LMLN: variants seen among roughly 807,000 people sequenced by gnomAD.
LMLN encodes the protein leishmanolysin-like peptidase.
In LMLN, 70 loss-of-function variants were observed where a neutral mutation model predicts 92.3. That is an observed-to-expected ratio of 0.76 (90% CI 0.63 to 0.92). LMLN has a LOEUF of 0.92. Among genes scored for constraint, LMLN ranks in the 40% least tolerant of loss-of-function variants. The pLI is 0.00. For synonymous variants in LMLN, 308 were observed against 296.2 expected, an observed-to-expected ratio of 1.04 and a Z score of -0.41; for missense variants, 691 against 814.6, an observed-to-expected ratio of 0.85 and a Z score of 1.85.
chr3:198,033,608 G>A (rs1723134488), intron 14 of LMLN, among the ~76,000 whole-genome samples: 1 of 151,984 alleles, frequency 6.6e-6, no homozygotes, highest in South Asian at 2.1e-4. Flanking sequence ...CACCAGGTTG[G>A]CCAGGCTGGT....
At chr3:198,036,635 A>T (rs1269296075) in intron 15 of LMLN, among the ~76,000 whole-genome samples, 2 of 152,160 alleles carry the variant, frequency 1.3e-5, no homozygotes, top group African/African-American at 4.8e-5. Flanking sequence ...GAGGAGACAG[A>T]TGCCAATTAA....
intron 1 of LMLN, among the ~76,000 whole-genome samples, chr3:197,969,105 A>G (rs1305218435): frequency 3.3e-5 from 5 of 150,290 alleles, no homozygotes; most frequent in Middle Eastern, 3.4e-3. Context: ...TTTTTGAGAT[A>G]GGGTCTCACT....
chr3:197,967,334 A>ATT (rs1056804705), intron 1 of LMLN, among the ~76,000 whole-genome samples: 3 of 152,194 alleles, frequency 2.0e-5, no homozygotes, highest in African/African-American at 4.8e-5. Context: ...AAAGAGTGGA[A>ATT]TTTTACAGCT....
chr3:197,970,309 G>T (rs1221547283), intron 1 of LMLN, among the ~76,000 whole-genome samples: 1 of 152,162 alleles, frequency 6.6e-6, no homozygotes, highest in Non-Finnish European at 1.5e-5. Flanking sequence ...ACCACTCCAG[G>T]TTTGGTGATT....
At chr3:197,990,997 A>G (rs562023331) in intron 9 of LMLN, among the ~76,000 whole-genome samples, 2 of 152,318 alleles carry the variant, frequency 1.3e-5, no homozygotes, top group South Asian at 4.2e-4. Context: ...GGTTCTCCAG[A>G]GAAACAGAAC....
chr3:198,008,286 A>G (rs534729567), intron 11 of LMLN, among the ~76,000 whole-genome samples: 1 of 152,280 alleles, frequency 6.6e-6, no homozygotes, highest in South Asian at 2.1e-4. Context: ...TTCAAATCTG[A>G]CACATTTTGA....
At chr3:198,032,703 C>T (rs950476984) in intron 14 of LMLN, among the ~76,000 whole-genome samples, 1 of 152,138 alleles carries the variant, frequency 6.6e-6, no homozygotes, top group Admixed American at 6.6e-5. Flanking sequence ...GGAACTTATT[C>T]CTGTGGGGAG....
At position 198,021,529 on chromosome 3, in the gene LMLN, CA is replaced by C; in HGVS notation, c.1450del (p.Ser484ValfsTer8). 1 of 1,614,026 alleles carries C rather than the reference CA, an allele frequency of 6.2e-7. No individual in the cohort carries two copies. The highest frequency in any genetic ancestry group is 8.5e-7 in the Non-Finnish European group (1 of 1,179,884). On this transcript the variant is annotated frameshift_variant, in exon 13 of 16. Coordinates refer to ENST00000330198, the Ensembl canonical transcript of LMLN. LOFTEE classifies it high-confidence loss of function. Reference sequence around the variant, plus strand: ...TGGAAATTGCTGACTACTGCCCTTTCAGTCAGGAATTCAGTTGGCATTTAAG... The same window carrying C: ...TGGAAATTGCTGACTACTGCCCTTTCGTCAGGAATTCAGTTGGCATTTAAG...
At chr3:197,980,234 G>T in intron 5 of LMLN, 92 bp from the exon 6 acceptor site, 1 of 1,050,314 alleles carries the variant, frequency 9.5e-7, no homozygotes, top group Non-Finnish European at 1.4e-6. Context: ...AAATTGTACT[G>T]TGTTTATAGT....
rs1722729132 is a variant in LMLN at position 198,019,725 on chromosome 3, G to A, written c.1365+340G>A. Among the ~76,000 whole-genome samples the A allele has an allele frequency of 6.6e-6, 1 of 152,094 alleles. No individual in the cohort carries two copies. Among genetic ancestry groups the A allele is most frequent in the Non-Finnish European group, 1.5e-5 (1 of 68,032 alleles). On this transcript the variant is annotated intron_variant, in intron 12 of 15. Transcript: ENST00000330198. The surrounding 1 kb of genome is among the most constrained non-coding windows in gnomAD (Gnocchi z 5.5). ...GAAATCTTTAAAGAAAATAACTTAA[G>A]TACTCCAATCCAGTTAATTAGAAGA...
Position 197,974,497 on chromosome 3 carries a change from A to G in LMLN, c.317+23A>G, listed in dbSNP as rs957082591. 4 of 1,133,770 alleles carry G rather than the reference A, an allele frequency of 3.5e-6. No homozygotes were observed. In the African/African-American group the frequency reaches 4.9e-5, roughly 14 times the overall value. 70.2% of individuals were successfully genotyped at this position (1,133,770 alleles called of 1,614,324 possible). On this transcript the variant is annotated intron_variant, in intron 2 of 15. Coordinates refer to ENST00000330198, the Ensembl canonical transcript of LMLN. ...AGAGTAAGTACACCATTGTATTGTCATCTTTTTCATTATTAATCTAAATGT... is the reference window on the plus strand; with the variant it reads ...AGAGTAAGTACACCATTGTATTGTCGTCTTTTTCATTATTAATCTAAATGT...
At chr3:198,029,857 T>G (rs940155788) in intron 14 of LMLN, among the ~76,000 whole-genome samples, 5 of 152,108 alleles carry the variant, frequency 3.3e-5, no homozygotes, top group Non-Finnish European at 7.3e-5. Context: ...ATTACTTTTT[T>G]GAGATAGATT....
intron 1 of LMLN, among the ~76,000 whole-genome samples, chr3:197,960,713 C>T (rs934687201): frequency 1.7e-4 from 26 of 152,156 alleles, no homozygotes; most frequent in Non-Finnish European, 2.9e-5. Context: ...ATCACAGTCA[C>T]CCGACGCACA....
chr3:198,021,875 C>T (rs747910929), intron 13 of LMLN, among the ~76,000 whole-genome samples: 32 of 152,164 alleles, frequency 2.1e-4, no homozygotes, highest in Admixed American at 3.9e-4. Context: ...AGGGATTATT[C>T]GCGTATGCAT....
At chr3:197,978,705 A>G (rs1489767057) in intron 5 of LMLN, among the ~76,000 whole-genome samples, 1 of 152,198 alleles carries the variant, frequency 6.6e-6, no homozygotes, top group Non-Finnish European at 1.5e-5. Flanking sequence ...ATAAAAAACT[A>G]CAAGGTCAGG....
chr3:197,990,969 G>A (rs1581149699), intron 9 of LMLN, among the ~76,000 whole-genome samples: 1 of 152,096 alleles, frequency 6.6e-6, no homozygotes, highest in East Asian at 1.9e-4. Flanking sequence ...CATTTTCTTT[G>A]GTGTCTGTAT....
intron 10 of LMLN, among the ~76,000 whole-genome samples, chr3:197,997,897 G>A (rs1722072421): frequency 6.6e-6 from 1 of 152,198 alleles, no homozygotes; most frequent in Non-Finnish European, 1.5e-5. Flanking sequence ...TTGTGTTTTA[G>A]AAAATGTAAT....
exon 11 of LMLN, chr3:197,999,273 C>T (rs372315765): frequency 1.6e-5 from 26 of 1,612,434 alleles, no homozygotes; most frequent in Non-Finnish European, 2.1e-5. Context: ...CAGAATGAAG[C>T]GATGACTGGT....
chr3:198,024,275 G>C (rs1230487492), intron 13 of LMLN, among the ~76,000 whole-genome samples: 3 of 149,650 alleles, frequency 2.0e-5, no homozygotes, highest in African/African-American at 7.5e-5. Context: ...GAGTGCAGTG[G>C]TACAATCTCG....
Sources: allele counts gnomAD v4.1 joint callset (sites outside exome capture counted in the v4.1 genomes callset), GRCh38; gene constraint gnomAD v4.1.1; non-coding constraint Gnocchi (gnomAD v3.1); transcripts MANE v1.5; gene names NCBI Gene and HGNC (gene_info 2026-07-23, HGNC 2026-07-21).